NTM: variants seen among roughly 807,000 people sequenced by gnomAD.
The protein encoded by NTM is neurotrimin, also known as IgLON family member 2.
In NTM, 13 loss-of-function variants were observed where a neutral mutation model predicts 42.1. The ratio of observed to expected loss-of-function variants is 0.31; its 90% CI spans 0.20 to 0.49. The LOEUF (loss-of-function observed/expected upper bound fraction) is 0.49. Ranked by LOEUF, NTM falls within the 20% of genes least tolerant of loss-of-function variation. NTM has a pLI of 0.99. For missense variants in NTM, 373 were observed against 452.8 expected, an observed-to-expected ratio of 0.82 and a Z score of 1.60; for synonymous variants, 187 against 179.2, an observed-to-expected ratio of 1.04 and a Z score of -0.35.
At position 132,196,008 on chromosome 11, in the gene NTM, G is replaced by A. The variant is rs141659080; in HGVS notation, c.401-16014G>A. ...AAATAAACTGTCAACAGAGTAAACC[G>A]ACAACCTATGGAATGGAAGAAAATA... On this transcript the variant is annotated intron_variant, in intron 3 of 8. Coordinates refer to ENST00000683400, the MANE Select transcript of NTM (RefSeq NM_001352005.2). Among the ~76,000 whole-genome samples the A allele has an allele frequency of 1.8e-3, 281 of 152,158 alleles. 2 individuals carry two copies. Among genetic ancestry groups the A allele is most frequent in the African/African-American group, 6.5e-3 (270 of 41,500 alleles).
chr11:132,138,143 C>G (rs548317929), intron 2 of NTM, among the ~76,000 whole-genome samples: 2 of 152,216 alleles, frequency 1.3e-5, no homozygotes, highest in East Asian at 3.9e-4. Flanking sequence ...TCCAAATTGC[C>G]CTGAAAGCAA....
intron 1 of NTM, among the ~76,000 whole-genome samples, chr11:131,693,266 T>G (rs2075017420): frequency 6.6e-6 from 1 of 152,144 alleles, no homozygotes; most frequent in African/African-American, 2.4e-5. Context: ...TCTTAGTTGT[T>G]CTGTCTCTGT....
chr11:131,457,867 T>C (rs1396529388), intron 1 of NTM, among the ~76,000 whole-genome samples: 2 of 152,126 alleles, frequency 1.3e-5, no homozygotes, highest in Admixed American at 6.6e-5. Flanking sequence ...GAGAGCTCTC[T>C]TTTTGGCCAA....
chr11:131,809,065 G>A (rs1471453434), intron 1 of NTM, among the ~76,000 whole-genome samples: 1 of 152,182 alleles, frequency 6.6e-6, no homozygotes, highest in Non-Finnish European at 1.5e-5. Flanking sequence ...GGATATATTA[G>A]CATTAGCATT....
At chr11:131,629,259 T>C (rs2063423161) in intron 1 of NTM, among the ~76,000 whole-genome samples, 1 of 152,162 alleles carries the variant, frequency 6.6e-6, no homozygotes, top group South Asian at 2.1e-4. Context: ...TTCCATTCTG[T>C]AGAACAAGTA....
At chr11:131,805,381 A>C (rs1257725629) in intron 1 of NTM, among the ~76,000 whole-genome samples, 1 of 152,278 alleles carries the variant, frequency 6.6e-6, no homozygotes, top group East Asian at 1.9e-4. Context: ...CTTTTCCCAC[A>C]AGAAGCCTTG....
intron 7 of NTM, among the ~76,000 whole-genome samples, chr11:132,321,868 A>G (rs2095576723): frequency 1.3e-5 from 2 of 148,388 alleles, no homozygotes; most frequent in South Asian, 4.4e-4. Context: ...AGTGGGGGCC[A>G]ATATTCAACA....
chr11:131,590,700 T>C (rs1220186023), intron 1 of NTM, among the ~76,000 whole-genome samples: 1 of 152,266 alleles, frequency 6.6e-6, no homozygotes, highest in African/African-American at 2.4e-5. Context: ...TTAAAACTCA[T>C]CTGCATGGCA....
intron 2 of NTM, among the ~76,000 whole-genome samples, chr11:132,141,771 AAC>A (rs752212226): frequency 6.6e-6 from 1 of 152,206 alleles, no homozygotes; most frequent in Non-Finnish European, 1.5e-5. Flanking sequence ...TGAAATGGAA[AAC>A]ACATGCCTTT....
intron 4 of NTM, among the ~76,000 whole-genome samples, chr11:132,298,629 AG>A (rs552081051): frequency 9.4e-4 from 143 of 152,306 alleles, no homozygotes; most frequent in Non-Finnish European, 1.6e-3. Context: ...TGGAGTACAA[AG>A]GGTTCACTTT....
At chr11:131,740,030 C>T (rs1231310208) in intron 1 of NTM, among the ~76,000 whole-genome samples, 2 of 152,188 alleles carry the variant, frequency 1.3e-5, no homozygotes, top group African/African-American at 4.8e-5. Context: ...TTTGAAGCTT[C>T]GCTCTGACAC....
intron 1 of NTM, chr11:131,660,382 G>A (rs1407290284): frequency 4.6e-6 from 2 of 438,424 alleles, no homozygotes; most frequent in South Asian, 1.6e-5. Flanking sequence ...AGGGCGGAGG[G>A]GGTGAGGGTG....
intron 2 of NTM, among the ~76,000 whole-genome samples, chr11:131,938,981 A>C (rs1815458673): frequency 6.6e-6 from 1 of 152,222 alleles, no homozygotes; most frequent in African/African-American, 2.4e-5. Flanking sequence ...ATGTTTGTTT[A>C]GCATCAAGAA....
chr11:131,672,250 G>C (rs995821850), intron 1 of NTM, among the ~76,000 whole-genome samples: 3 of 152,206 alleles, frequency 2.0e-5, no homozygotes, highest in African/African-American at 7.2e-5. Flanking sequence ...AGGCCTCAAA[G>C]CATAGCACAG....
intron 3 of NTM, among the ~76,000 whole-genome samples, chr11:132,161,447 T>C (rs1189852214): frequency 6.6e-6 from 1 of 151,254 alleles, no homozygotes; most frequent in Non-Finnish European, 1.5e-5. Flanking sequence ...TTTTTCATCC[T>C]TTTTTTCCTG....
chr11:132,186,860 C>T (rs190744668), intron 3 of NTM, among the ~76,000 whole-genome samples: 30 of 152,336 alleles, frequency 2.0e-4, no homozygotes, highest in Admixed American at 3.9e-4. Flanking sequence ...TTACCGCTTC[C>T]GAGCCCCCTG....
chr11:131,567,308 GAAACC>G lies in NTM; in HGVS notation c.82+196421_82+196425del, dbSNP rs753590403. ...TTGAGACCAGCCTGGCCAACATGGT[GAAACC>G]CCTTCTCTACTAAAAATACAAAAAT... On this transcript the variant is annotated intron_variant, in intron 1 of 8. Transcript: ENST00000683400. Among the ~76,000 whole-genome samples the G allele has an allele frequency of 7.5e-4, 114 of 152,108 alleles. 4 individuals carry two copies. The highest frequency in any genetic ancestry group is 1.0e-4 in the Non-Finnish European group (7 of 68,024).
chr11:132,260,449 T>C (rs1364256336), intron 4 of NTM, among the ~76,000 whole-genome samples: 1 of 152,206 alleles, frequency 6.6e-6, no homozygotes, highest in Non-Finnish European at 1.5e-5. Flanking sequence ...GTTCTATTTG[T>C]TTTTAAGAAA....
At chr11:131,696,399 C>T (rs1412545420) in intron 1 of NTM, among the ~76,000 whole-genome samples, 1 of 152,186 alleles carries the variant, frequency 6.6e-6, no homozygotes, top group Non-Finnish European at 1.5e-5. Flanking sequence ...AGCACCATTA[C>T]TTACTAGGCT....
Sources: gnomAD v4.1 joint callset for allele counts (sites outside exome capture counted in the v4.1 genomes callset) on GRCh38, gnomAD v4.1.1 for gene constraint, MANE v1.5 for transcripts, NCBI Gene and HGNC (gene_info 2026-07-23, HGNC 2026-07-21) for gene names.